ANXA10: variants seen among roughly 807,000 people sequenced by gnomAD.
ANXA10 encodes the protein annexin A10.
A neutral mutation model predicts 53.5 loss-of-function variants in ANXA10; 49 were observed. The ratio of observed to expected loss-of-function variants is 0.92; its 90% CI spans 0.73 to 1.16. The LOEUF (loss-of-function observed/expected upper bound fraction) is 1.16. ANXA10 is among the 50% of genes most tolerant of loss of function. The pLI is 0.00. For synonymous variants in ANXA10, 131 were observed against 128.9 expected (o/e 1.02, Z -0.11); for missense variants, 393 against 394.4 (o/e 1.00, Z 0.03).
At chr4:168,104,923 T>A (rs540495330) in intron 1 of ANXA10, among the ~76,000 whole-genome samples, 2 of 152,024 alleles carry the variant, frequency 1.3e-5, no homozygotes, top group South Asian at 4.1e-4. Flanking sequence ...AAAACTTAAA[T>A]TTTATTTCGT....
chr4:168,100,314 C>A lies in ANXA10; in HGVS notation c.18+7596C>A, dbSNP rs183321624. Among the ~76,000 whole-genome samples the A allele has an allele frequency of 7.7e-4, 117 of 152,158 alleles. 1 individual carries two copies. The highest frequency in any genetic ancestry group is 6.0e-4 in the Non-Finnish European group (41 of 67,982). On this transcript the variant is annotated intron_variant, in intron 1 of 11. Coordinates refer to ENST00000359299, the MANE Select transcript of ANXA10 (RefSeq NM_007193.5). The stretch of plus-strand genomic sequence containing the variant: ...TCTGATTTTGATTTACAAGAACATT[C>A]TTTCCTTAGAGTGGGATATAAAACA...
rs1730478473 is a variant in ANXA10, at chr4:168,092,689, A to G, written c.-12A>G. The G allele has an allele frequency of 1.3e-6, 2 of 1,592,428 alleles. No homozygotes were observed. The highest frequency in any genetic ancestry group is 2.3e-5 in the South Asian group (2 of 86,966). On this transcript the variant is annotated 5_prime_UTR_variant, in exon 1 of 12. Coordinates refer to ENST00000359299, the MANE Select transcript of ANXA10 (RefSeq NM_007193.5). ...AATATTTTCATCCCTGAGGTTAACA[A>G]TTACCATCAAAATGTTTTGTGGAGA...
chr4:168,153,422 CAAAAAAAAAAAAAA>C (rs61179704), intron 3 of ANXA10, among the ~76,000 whole-genome samples: 9 of 43,526 alleles, frequency 2.1e-4, no homozygotes, highest in African/African-American at 7.1e-4. Context: ...AAGCCTAAAG[CAAAAAAAAAAAAAA>C]AAAAACAAAA....
At chr4:168,155,854 TC>T (rs1205289913) in intron 3 of ANXA10, among the ~76,000 whole-genome samples, 218 of 7,854 alleles carry the variant, frequency 0.028, 9 homozygotes, top group Non-Finnish European at 0.04. Context: ...ATATAATATA[TC>T]ATATATGATA....
At chr4:168,114,502 C>T (rs1455134116) in intron 1 of ANXA10, among the ~76,000 whole-genome samples, 2 of 152,062 alleles carry the variant, frequency 1.3e-5, no homozygotes, top group Non-Finnish European at 2.9e-5. Flanking sequence ...TATAGTGTCC[C>T]CTCTTGTTTT....
intron 1 of ANXA10, among the ~76,000 whole-genome samples, chr4:168,117,310 A>C (rs1730909491): frequency 1.3e-5 from 2 of 152,214 alleles, no homozygotes; most frequent in South Asian, 4.1e-4. Context: ...CTTACCCCAA[A>C]GTGATATTTG....
intron 1 of ANXA10, among the ~76,000 whole-genome samples, chr4:168,100,001 G>C (rs1208828025): frequency 6.6e-6 from 1 of 151,866 alleles, no homozygotes; most frequent in African/African-American, 2.4e-5. Context: ...TTATAATCTA[G>C]GTTCATTTCC....
chr4:168,174,596 A>C (rs1578935282), intron 6 of ANXA10, among the ~76,000 whole-genome samples: 1 of 152,258 alleles, frequency 6.6e-6, no homozygotes, highest in Admixed American at 6.5e-5. Context: ...AGCAAGGCCC[A>C]GGCAGGAGCA....
intron 3 of ANXA10, among the ~76,000 whole-genome samples, chr4:168,156,782 C>T (rs1473251112): frequency 6.6e-6 from 1 of 151,924 alleles, no homozygotes; most frequent in Admixed American, 6.6e-5. Context: ...GGGTTACAGG[C>T]ATGAGCAACC....
intron 1 of ANXA10, among the ~76,000 whole-genome samples, chr4:168,120,408 T>A (rs529317903): frequency 1.3e-5 from 2 of 152,162 alleles, no homozygotes; most frequent in South Asian, 4.1e-4. Context: ...GGGGGAAAAA[T>A]ACTTGTTAGC....
chr4:168,147,052 A>G (rs888377806), intron 3 of ANXA10, among the ~76,000 whole-genome samples: 3 of 152,200 alleles, frequency 2.0e-5, no homozygotes, highest in Non-Finnish European at 2.9e-5. Context: ...TGAGGTCCCC[A>G]TTGAATCAGC....
At chr4:168,146,071 G>A (rs1187128143) in intron 3 of ANXA10, among the ~76,000 whole-genome samples, 1 of 152,086 alleles carries the variant, frequency 6.6e-6, no homozygotes, top group Non-Finnish European at 1.5e-5. Context: ...ACCACGCCCA[G>A]CTAATTTTTG....
chr4:168,098,562 T>A (rs1230475421), intron 1 of ANXA10, among the ~76,000 whole-genome samples: 1 of 152,020 alleles, frequency 6.6e-6, no homozygotes, highest in Non-Finnish European at 1.5e-5. Flanking sequence ...GTTTATGCTG[T>A]CAATCTCCCA....
In ANXA10 at chr4:168,142,722, C is replaced by T. The variant is rs555451657; in HGVS notation, c.195+3142C>T. Among the ~76,000 whole-genome samples the T allele has an allele frequency of 1.0e-3, 158 of 152,258 alleles. 1 individual carries two copies. The South Asian group carries it at 0.014, about 14-fold the overall frequency. On this transcript the variant is annotated intron_variant, in intron 3 of 11. Coordinates refer to ENST00000359299, the MANE Select transcript of ANXA10 (RefSeq NM_007193.5). ...TGCTTAATTAATGTTTATTGAATGA[C>T]ATTGTAAAGGTGCATCTAACTACAA... is the stretch of plus-strand genomic sequence containing the variant.
chr4:168,144,276 TC>T (rs1425407490), intron 3 of ANXA10, among the ~76,000 whole-genome samples: 2 of 152,100 alleles, frequency 1.3e-5, no homozygotes, highest in Non-Finnish European at 2.9e-5. Flanking sequence ...AACCTCCACC[TC>T]CCAGGTTCAA....
intron 1 of ANXA10, 132 bp from the exon 2 acceptor site, chr4:168,127,952 G>A (rs1019701870): frequency 1.5e-6 from 1 of 687,554 alleles, no homozygotes; most frequent in Non-Finnish European, 2.5e-6. Flanking sequence ...TTCAACTCCT[G>A]ACTTCAGGTG....
At chr4:168,165,043 A>AT in intron 5 of ANXA10, 1 of 319,960 alleles carries the variant, frequency 3.1e-6, no homozygotes. Flanking sequence ...TGGACTAAAG[A>AT]TTTTTAAAAA....
chr4:168,117,091 T>A (rs529652447), intron 1 of ANXA10, among the ~76,000 whole-genome samples: 1 of 151,986 alleles, frequency 6.6e-6, no homozygotes, highest in South Asian at 2.1e-4. Context: ...AAATCCATCA[T>A]AAAATAATAA....
chr4:168,129,877 C>T (rs1016865209), intron 2 of ANXA10, among the ~76,000 whole-genome samples: 15 of 152,144 alleles, frequency 9.9e-5, no homozygotes, highest in Admixed American at 3.3e-4. Context: ...CCTGCCCATG[C>T]ATTCTTATAA....
Sources: gnomAD v4.1 joint callset for allele counts (sites outside exome capture counted in the v4.1 genomes callset) on GRCh38, gnomAD v4.1.1 for gene constraint, MANE v1.5 for transcripts, NCBI Gene and HGNC (gene_info 2026-07-23, HGNC 2026-07-21) for gene names.